The following OSBPL11 variants were observed in gnomAD, a reference collection of about 807,000 sequenced individuals.
The protein encoded by OSBPL11 is oxysterol-binding protein-related protein 11.
In OSBPL11, 33 loss-of-function variants were observed where a neutral mutation model predicts 84.4. That is an observed-to-expected ratio of 0.39 (90% CI 0.30 to 0.52). The LOEUF (loss-of-function observed/expected upper bound fraction) is 0.52, where lower values mean the gene tolerates loss of function less well. Ranked by LOEUF, OSBPL11 falls within the 20% of genes least tolerant of loss-of-function variation. The probability of loss-of-function intolerance (pLI) is 0.72; values close to 1 mark genes in which losing one functional copy is unlikely to be tolerated. For missense variants in OSBPL11, 736 were observed against 901.1 expected (o/e 0.82, Z 2.35); for synonymous variants, 276 against 310.2 (o/e 0.89, Z 1.16).
intron 2 of OSBPL11, among the ~76,000 whole-genome samples, chr3:125,582,396 C>T (rs1467286620): frequency 6.6e-6 from 1 of 152,016 alleles, no homozygotes; most frequent in Non-Finnish European, 1.5e-5. Context: ...TTAGCCTGTT[C>T]TATAATAGAA....
chr3:125,530,455 T>C lies in OSBPL11; in HGVS notation c.*60A>G. 2 of 1,475,344 alleles carry C rather than the reference T, an allele frequency of 1.4e-6. No homozygotes were observed. Among genetic ancestry groups the C allele is most frequent in the East Asian group, 2.3e-5 (1 of 44,226 alleles). 91.4% of individuals were successfully genotyped at this position (1,475,344 alleles called of 1,614,324 possible). A position where few individuals can be genotyped will look rare whatever the true frequency, so the allele number is the denominator to read the frequency against. On this transcript the variant is annotated 3_prime_UTR_variant, in exon 13 of 13. Transcript: ENST00000296220. Reference sequence around the variant, plus strand: ...GTCACTCAGTGCAATGACTCCATTCTGGGAGGATTTAGGGTAAACAGAGAA... The same window carrying C: ...GTCACTCAGTGCAATGACTCCATTCCGGGAGGATTTAGGGTAAACAGAGAA...
At chr3:125,554,845 A>G (rs1241432706) in intron 8 of OSBPL11, among the ~76,000 whole-genome samples, 1 of 152,158 alleles carries the variant, frequency 6.6e-6, no homozygotes, top group African/African-American at 2.4e-5. Flanking sequence ...AGAACAATAA[A>G]AGACCAGACC....
intron 11 of OSBPL11, among the ~76,000 whole-genome samples, chr3:125,536,121 T>TGA (rs61114860): frequency 0.17 from 25,119 of 143,994 alleles, 2,770 homozygotes; most frequent in African/African-American, 0.33. Context: ...GGTGACAGAG[T>TGA]GAGTCCATCT....
chr3:125,543,747 A>G (rs936428283), intron 10 of OSBPL11, among the ~76,000 whole-genome samples: 1 of 151,992 alleles, frequency 6.6e-6, no homozygotes, highest in African/African-American at 2.4e-5. Context: ...CTAAAAATAC[A>G]AAAATAGCCA....
intron 6 of OSBPL11, among the ~76,000 whole-genome samples, chr3:125,566,280 A>G (rs1249114365): frequency 2.0e-5 from 3 of 152,158 alleles, no homozygotes; most frequent in African/African-American, 7.2e-5. Flanking sequence ...TGCTGAGATT[A>G]CAGGTGTGAG....
chr3:125,550,353 C>A (rs914810260), intron 9 of OSBPL11, among the ~76,000 whole-genome samples: 5 of 143,902 alleles, frequency 3.5e-5, no homozygotes, highest in African/African-American at 1.3e-4. Context: ...TCAACCTGGG[C>A]GACACAGCTA....
At chr3:125,594,398 G>C (rs1485757239) in intron 1 of OSBPL11, among the ~76,000 whole-genome samples, 1 of 152,238 alleles carries the variant, frequency 6.6e-6, no homozygotes, top group East Asian at 1.9e-4. Context: ...TCTGACTGTA[G>C]AGGAAGTTCA....
At chr3:125,540,319 GCT>G (rs1434363965) in intron 10 of OSBPL11, among the ~76,000 whole-genome samples, 13 of 112,080 alleles carry the variant, frequency 1.2e-4, no homozygotes, top group African/African-American at 4.6e-4. Context: ...ACAGAGGATG[GCT>G]CTGTCTCAAA....
intron 1 of OSBPL11, among the ~76,000 whole-genome samples, chr3:125,588,316 A>G (rs1378596123): frequency 1.4e-4 from 21 of 152,064 alleles, no homozygotes; most frequent in Non-Finnish European, 7.4e-5. Flanking sequence ...AAACCCAGAG[A>G]TAACAGTTTA....
At position 125,529,148 on chromosome 3, in the gene OSBPL11, A is replaced by G. The variant is rs1264342922; in HGVS notation, c.*1367T>C. ...AGCCACCTACAATGGCTGATAAACA[A>G]CAGGTATGTTACACACACTGATTGG... On this transcript the variant is annotated 3_prime_UTR_variant, in exon 13 of 13. Transcript: ENST00000296220. 1 of 152,650 alleles carries G rather than the reference A, an allele frequency of 6.6e-6. No homozygotes were observed. Among genetic ancestry groups the G allele is most frequent in the Non-Finnish European group, 1.5e-5 (1 of 68,038 alleles). 9.5% of individuals were successfully genotyped at this position (152,650 alleles called of 1,614,324 possible).
At chr3:125,545,052 G>A (rs1409338441) in intron 10 of OSBPL11, among the ~76,000 whole-genome samples, 1 of 152,082 alleles carries the variant, frequency 6.6e-6, no homozygotes, top group African/African-American at 2.4e-5. Flanking sequence ...AAAACCACTG[G>A]TTATGTTAAC....
intron 5 of OSBPL11, among the ~76,000 whole-genome samples, chr3:125,568,947 A>AT (rs144762548): frequency 0.058 from 8,721 of 149,094 alleles, 355 homozygotes; most frequent in African/African-American, 0.12. Flanking sequence ...GTTCCAGGTG[A>AT]TTTTTTTTTT....
intron 5 of OSBPL11, among the ~76,000 whole-genome samples, chr3:125,574,958 G>A (rs1232199630): frequency 1.3e-5 from 2 of 152,042 alleles, no homozygotes; most frequent in Non-Finnish European, 2.9e-5. Context: ...ATTCCACACG[G>A]CATCTAACAT....
At chr3:125,594,123 C>G (rs1048820254) in intron 1 of OSBPL11, among the ~76,000 whole-genome samples, 1 of 152,192 alleles carries the variant, frequency 6.6e-6, no homozygotes, top group African/African-American at 2.4e-5. Context: ...GCATTAGGAT[C>G]TCTACCTTTG....
At chr3:125,594,263 C>G (rs746521225) in intron 1 of OSBPL11, among the ~76,000 whole-genome samples, 4 of 152,222 alleles carry the variant, frequency 2.6e-5, no homozygotes, top group Non-Finnish European at 5.9e-5. Context: ...GCTACCCTCT[C>G]GAGAAAGCTG....
chr3:125,562,113 C>T (rs1169322298), intron 7 of OSBPL11, among the ~76,000 whole-genome samples: 2 of 152,144 alleles, frequency 1.3e-5, no homozygotes, highest in East Asian at 3.8e-4. Context: ...CCACTTTCTC[C>T]CCAAAGCATT....
intron 6 of OSBPL11, among the ~76,000 whole-genome samples, chr3:125,565,867 A>G (rs1263023916): frequency 6.6e-6 from 1 of 151,934 alleles, no homozygotes; most frequent in Non-Finnish European, 1.5e-5. Flanking sequence ...CTCCTAAACT[A>G]TGAATGCCCT....
chr3:125,538,320 C>T, intron 11 of OSBPL11, 131 bp downstream of exon 11: 1 of 778,568 alleles, frequency 1.3e-6, no homozygotes, highest in Non-Finnish European at 2.1e-6. Flanking sequence ...ACAGATCAGA[C>T]TAATGCTTTC....
intron 9 of OSBPL11, among the ~76,000 whole-genome samples, chr3:125,548,033 T>C (rs910022700): frequency 3.3e-4 from 50 of 152,102 alleles, no homozygotes; most frequent in African/African-American, 1.1e-3. Flanking sequence ...CCCGCCACCA[T>C]ACCTAGCTAA....
Sources: allele counts gnomAD v4.1 joint callset (sites outside exome capture counted in the v4.1 genomes callset), GRCh38; gene constraint gnomAD v4.1.1; transcripts MANE v1.5; gene names NCBI Gene and HGNC (gene_info 2026-07-23, HGNC 2026-07-21).